The following PIK3CD variants were observed in gnomAD, a reference collection of about 807,000 sequenced individuals.
PIK3CD encodes the protein phosphatidylinositol 4,5-bisphosphate 3-kinase catalytic subunit delta isoform.
A neutral mutation model predicts 122.9 loss-of-function variants in PIK3CD; 20 were observed. The observed-to-expected ratio is 0.16, with a 90% CI of 0.11 to 0.24. The LOEUF (loss-of-function observed/expected upper bound fraction) is 0.24, where lower values mean the gene tolerates loss of function less well. Among genes scored for constraint, PIK3CD ranks in the 10% least tolerant of loss-of-function variants. The pLI is 1.00. For missense variants in PIK3CD, 787 were observed against 1,406.3 expected (o/e 0.56, Z 7.04); for synonymous variants, 596 against 593.4 (o/e 1.00, Z -0.06).
upstream of PIK3CD, among the ~76,000 whole-genome samples, chr1:9,647,908 C>T (rs1263711281): frequency 6.6e-6 from 1 of 152,156 alleles, no homozygotes; most frequent in Admixed American, 6.5e-5. Context: ...TAATTGGTTA[C>T]AGTGTTTGCT....
At chr1:9,702,029 C>G (rs1259188734) in intron 2 of PIK3CD, among the ~76,000 whole-genome samples, 1 of 150,646 alleles carries the variant, frequency 6.6e-6, no homozygotes, top group Non-Finnish European at 1.5e-5. Flanking sequence ...GAGTCTCACT[C>G]TGTTGCCCAG....
rs1373706982 is a variant in PIK3CD at position 9,728,498 on chromosome 1, A to G, written c.*1452A>G. 1 of 152,196 alleles carries G rather than the reference A, an allele frequency of 6.6e-6. No homozygotes were observed. The highest frequency in any genetic ancestry group is 2.4e-5 in the African/African-American group (1 of 41,400). The allele number at this position is 152,196 out of a possible 1,614,324, so 9.4% of individuals were successfully genotyped here. A position where few individuals can be genotyped will look rare whatever the true frequency, so the allele number is the denominator to read the frequency against. Reference sequence around the variant, plus strand: ...ATTTCTCAAAGGTCTTCCAAAACTCAACAGAGCCAGAAGTAGCCGCCCGCT... The same window carrying G: ...ATTTCTCAAAGGTCTTCCAAAACTCGACAGAGCCAGAAGTAGCCGCCCGCT... On this transcript the variant is annotated 3_prime_UTR_variant, in exon 24 of 24. Coordinates refer to ENST00000377346, the MANE Select transcript of PIK3CD (RefSeq NM_005026.5).
intron 1 of PIK3CD, among the ~76,000 whole-genome samples, chr1:9,655,340 G>A (rs1644816677): frequency 6.6e-6 from 1 of 152,040 alleles, no homozygotes. Flanking sequence ...TACAGTTAAC[G>A]CTAAGACTGA....
At chr1:9,637,359 A>G in the PIK3CD span, among the ~76,000 whole-genome samples, 1 of 152,094 alleles carries the variant, frequency 6.6e-6, no homozygotes, top group Non-Finnish European at 1.5e-5. Flanking sequence ...GTGAAACTCC[A>G]TCTCTACAAC....
At chr1:9,646,944 CA>C (rs564896067), upstream of PIK3CD, among the ~76,000 whole-genome samples, 1,870 of 114,482 alleles carry the variant, frequency 0.016, 12 homozygotes, top group Middle Eastern at 0.041. Flanking sequence ...GACTCCATCT[CA>C]AAAAAAAAAA....
chr1:9,707,160 A>G (rs1646865897), intron 2 of PIK3CD, among the ~76,000 whole-genome samples: 1 of 151,850 alleles, frequency 6.6e-6, no homozygotes, highest in Non-Finnish European at 1.5e-5. Context: ...GACGTTACCT[A>G]TGTGGTTCCC....
intron 2 of PIK3CD, among the ~76,000 whole-genome samples, chr1:9,705,133 A>T (rs1450928325): frequency 6.6e-6 from 1 of 152,152 alleles, no homozygotes; most frequent in South Asian, 2.1e-4. Flanking sequence ...ATCATAAATC[A>T]TAAAGGCAAA....
At chr1:9,691,734 G>A in intron 2 of PIK3CD, 163 bp downstream of exon 2, 1 of 387,894 alleles carries the variant, frequency 2.6e-6, no homozygotes, top group East Asian at 3.7e-5. Flanking sequence ...ACCCAAATTG[G>A]TGCTAGGAGC....
rs1649266775 is a variant in PIK3CD, at chr1:9,724,923, T to C, written c.2984T>C (p.Ile995Thr). Residue 995 changes from isoleucine to threonine, a missense_variant, in exon 23 of 24, where the codon ATC (isoleucine) becomes ACC (threonine). Ile to Thr is a moderately conservative substitution (Grantham distance 89, BLOSUM62 -1). This residue lies in a region of PIK3CD where 60 missense variants were observed against 129.5 expected (regional missense o/e 0.46). Transcript: ENST00000377346. The surrounding 1 kb of genome is among the most constrained non-coding windows in gnomAD (Gnocchi z 7.3). ...GLPELSCSKD[I>T]QYLKDSLALG... ...CCTGAGCTCAGCTGCTCCAAAGACA[T>C]CCAGTATCTCAAGGTATGTGCCGGG... is the stretch of plus-strand genomic sequence containing the variant. 2.5e-5 allele frequency: 41 copies of C among 1,613,696 alleles called. No individual in the cohort carries two copies. The highest frequency in any genetic ancestry group is 3.5e-5 in the Non-Finnish European group (41 of 1,180,050).
In PIK3CD at chr1:9,723,417, G is replaced by A; in HGVS notation, c.2594+125G>A. 1 of 977,088 alleles carries A rather than the reference G, an allele frequency of 1.0e-6. No homozygotes were observed. Among genetic ancestry groups the A allele is most frequent in the Non-Finnish European group, 1.6e-6 (1 of 614,216 alleles). The allele number at this position is 977,088 out of a possible 1,614,324, so 60.5% of individuals were successfully genotyped here. On this transcript the variant is annotated intron_variant, in intron 20 of 23. Transcript: ENST00000377346. The surrounding 1 kb of genome is among the most constrained non-coding windows in gnomAD (Gnocchi z 4.9). ...ACCATCTTTGTGGCTACTTGGCTCA[G>A]TTGAGGACCAGCCTGTGTCTGGGTT...
chr1:9,700,280 A>G lies in PIK3CD; in HGVS notation c.-33+8709A>G, dbSNP rs538852205. Among the ~76,000 whole-genome samples the G allele has an allele frequency of 2.6e-4, 40 of 152,174 alleles. No homozygotes were observed. The highest frequency in any genetic ancestry group is 9.1e-4 in the African/African-American group (38 of 41,538). ...CAATAGCTGAGGTCAGATCCCTCAGACGTTCACAGCTGGGACGCCGTTCTT... is the reference window on the plus strand; with the variant it reads ...CAATAGCTGAGGTCAGATCCCTCAGGCGTTCACAGCTGGGACGCCGTTCTT... On this transcript the variant is annotated intron_variant, in intron 2 of 23. Transcript: ENST00000377346. This position sits in a 1 kb window ranked among gnomAD's most constrained non-coding sequence, Gnocchi z 5.1.
Position 9,723,115 on chromosome 1 carries a change from C to T in PIK3CD, c.2427-10C>T, listed in dbSNP as rs1207332019. ...ATGCCATTTGCCCGTCCCTCTTCCCCCTTGCCTAGGATGACCCCCTATGGC... is the reference window on the plus strand; with the variant it reads ...ATGCCATTTGCCCGTCCCTCTTCCCTCTTGCCTAGGATGACCCCCTATGGC... On this transcript the variant is annotated splice_polypyrimidine_tract_variant and intron_variant, in intron 19 of 23. Coordinates refer to ENST00000377346, the MANE Select transcript of PIK3CD (RefSeq NM_005026.5). The surrounding 1 kb of genome is among the most constrained non-coding windows in gnomAD (Gnocchi z 4.9). 3 of 1,613,290 alleles carry T rather than the reference C, an allele frequency of 1.9e-6. No individual in the cohort carries two copies. Among genetic ancestry groups the T allele is most frequent in the Non-Finnish European group, 2.5e-6 (3 of 1,179,880 alleles).
At chr1:9,683,179 C>T (rs1322407906) in intron 1 of PIK3CD, among the ~76,000 whole-genome samples, 1 of 150,382 alleles carries the variant, frequency 6.6e-6, no homozygotes, top group Non-Finnish European at 1.5e-5. Context: ...TGGCTCATGC[C>T]TGTAATCCCA....
the PIK3CD span, among the ~76,000 whole-genome samples, chr1:9,638,806 T>C: frequency 1.4e-5 from 2 of 146,590 alleles, no homozygotes; most frequent in Admixed American, 6.9e-5. Context: ...GACAGAGTCT[T>C]GCTCTGTCGC....
At position 9,719,658 on chromosome 1, in the gene PIK3CD, C is replaced by G. The variant is rs1431837274; in HGVS notation, c.1243-263C>G. 3.2e-5 allele frequency among the ~76,000 whole-genome samples: 4 copies of G among 125,838 alleles called. No homozygotes were observed. The highest frequency in any genetic ancestry group is 2.3e-4 in the South Asian group (1 of 4,304). The allele number at this position is 125,838 out of a possible 152,430, so 82.6% of individuals were successfully genotyped here. On this transcript the variant is annotated intron_variant, in intron 9 of 23. Coordinates refer to ENST00000377346, the MANE Select transcript of PIK3CD (RefSeq NM_005026.5). This position sits in a 1 kb window ranked among gnomAD's most constrained non-coding sequence, Gnocchi z 5.5. Reference sequence around the variant, plus strand: ...CCTGGGTGACAGAGCAAGACTCCGTCTCAAAAAAAAAAAAAAGCCTGAGTA... The same window carrying G: ...CCTGGGTGACAGAGCAAGACTCCGTGTCAAAAAAAAAAAAAAGCCTGAGTA...
chr1:9,673,623 G>A (rs533216462), intron 1 of PIK3CD, among the ~76,000 whole-genome samples: 5 of 151,886 alleles, frequency 3.3e-5, no homozygotes, highest in Middle Eastern at 3.2e-3. Context: ...GGCTGGTCTC[G>A]AACTCCTGGG....
At chr1:9,629,235 T>C in the PIK3CD span, among the ~76,000 whole-genome samples, 3,256 of 152,146 alleles carry the variant, frequency 0.021, 114 homozygotes, top group African/African-American at 0.074. Flanking sequence ...TGAGTTTGTG[T>C]TGGGGGTTGG....
chr1:9,636,416 A>T, the PIK3CD span, among the ~76,000 whole-genome samples: 3 of 151,592 alleles, frequency 2.0e-5, no homozygotes, highest in African/African-American at 7.3e-5. Context: ...CTGGTCTTGA[A>T]CTCCTGGCCT....
chr1:9,706,563 T>G (rs1210863258), intron 2 of PIK3CD, among the ~76,000 whole-genome samples: 2 of 152,108 alleles, frequency 1.3e-5, no homozygotes, highest in Non-Finnish European at 2.9e-5. Flanking sequence ...AAAATCTACA[T>G]TCAGATCAAG....
Sources: gnomAD v4.1 joint callset for allele counts (sites outside exome capture counted in the v4.1 genomes callset) on GRCh38, gnomAD v4.1.1 for gene constraint, gnomAD v4.1.1 regional missense constraint, Gnocchi (gnomAD v3.1) non-coding constraint, MANE v1.5 for transcripts, NCBI Gene and HGNC (gene_info 2026-07-23, HGNC 2026-07-21) for gene names.